Variants in APBB2 observed in about 807,000 individuals in gnomAD.
The protein encoded by APBB2 is amyloid beta precursor protein binding family B member 2.
APBB2 carries 38 observed loss-of-function variants against 82.5 expected under a neutral mutation model. The observed-to-expected ratio is 0.46, with a 90% confidence interval of 0.36 to 0.60. The LOEUF (loss-of-function observed/expected upper bound fraction) is 0.60. Among genes scored for constraint, APBB2 ranks in the 20% least tolerant of loss-of-function variants. The pLI, the probability that APBB2 is intolerant of heterozygous loss-of-function variation, is 0.00. For synonymous variants in APBB2, 341 were observed against 368.2 expected (o/e 0.93, Z 0.85); for missense variants, 772 against 972.3 (o/e 0.79, Z 2.74).
chr4:40,891,836 G>T (rs1772112035), intron 11 of APBB2, among the ~76,000 whole-genome samples: 1 of 151,970 alleles, frequency 6.6e-6, no homozygotes, highest in Non-Finnish European at 1.5e-5. Context: ...ACATATTAGT[G>T]TAAGTCACAA....
chr4:40,891,981 TCA>T (rs1157211702), intron 11 of APBB2, among the ~76,000 whole-genome samples: 1 of 149,336 alleles, frequency 6.7e-6, no homozygotes, highest in East Asian at 2.0e-4. Context: ...AGATAGAGTC[TCA>T]CTTTGTCACC....
At chr4:41,158,836 C>T (rs967519612) in intron 1 of APBB2, among the ~76,000 whole-genome samples, 2 of 152,086 alleles carry the variant, frequency 1.3e-5, no homozygotes, top group African/African-American at 4.8e-5. Context: ...TCAAGGTCAC[C>T]CCACAGCACG....
At chr4:40,926,100 T>C (rs1210148289) in intron 10 of APBB2, among the ~76,000 whole-genome samples, 2 of 152,216 alleles carry the variant, frequency 1.3e-5, no homozygotes, top group African/African-American at 4.8e-5. Flanking sequence ...AACTAGAAGA[T>C]ACTGCATAGA....
At chr4:40,876,537 G>T (rs1398930110) in intron 12 of APBB2, among the ~76,000 whole-genome samples, 3 of 152,116 alleles carry the variant, frequency 2.0e-5, no homozygotes, top group African/African-American at 7.2e-5. Context: ...TACCGTTGTC[G>T]CTTGGTGTCT....
At chr4:41,159,907 A>AAGGAGAAGGAGAAGGAGAAGGAGAAGG (rs1267899128) in intron 1 of APBB2, among the ~76,000 whole-genome samples, 1 of 35,620 alleles carries the variant, frequency 2.8e-5, no homozygotes, top group African/African-American at 1.3e-4. Context: ...GAAGAAGGAG[A>AAGGAGAAGGAGAAGGAGAAGGAGAAGG]AGGAGGAGGA....
intron 12 of APBB2, among the ~76,000 whole-genome samples, chr4:40,871,003 C>G (rs1303951846): frequency 4.6e-5 from 2 of 43,824 alleles, no homozygotes; most frequent in Non-Finnish European, 5.7e-5. Context: ...CGCGCCCAGC[C>G]ATACATATAT....
chr4:40,890,300 T>C (rs1771600768), intron 12 of APBB2, 64 bp downstream of exon 12: 3 of 1,551,790 alleles, frequency 1.9e-6, no homozygotes, highest in African/African-American at 1.4e-5. Context: ...AGCCCATGCT[T>C]TGGTGTTCAG....
rs75690280 is a variant in APBB2, at chr4:41,170,322, T to C, written c.-416-27180A>G. 9.6e-3 allele frequency among the ~76,000 whole-genome samples: 1,462 copies of C among 152,322 alleles called. 33 individuals are homozygous for C. Among genetic ancestry groups the C allele is most frequent in the African/African-American group, 0.034 (1,402 of 41,570 alleles). On this transcript the variant is annotated intron_variant, in intron 1 of 17. Transcript: ENST00000508593. ...TAGCCATGTAATCTCAATTCCCACA[T>C]TTGCATTCATAAGCACCTACGGTGC... is the stretch of plus-strand genomic sequence containing the variant.
intron 1 of APBB2, among the ~76,000 whole-genome samples, chr4:41,201,638 T>C (rs1260197172): frequency 1.3e-5 from 2 of 152,200 alleles, no homozygotes; most frequent in African/African-American, 2.4e-5. Flanking sequence ...TATCCGTCTA[T>C]CCCAGAGTAA....
At chr4:41,191,309 T>C (rs1365653770) in intron 1 of APBB2, among the ~76,000 whole-genome samples, 1 of 152,214 alleles carries the variant, frequency 6.6e-6, no homozygotes, top group Non-Finnish European at 1.5e-5. Context: ...GTGGCTAGGT[T>C]ATGAACAATC....
intron 1 of APBB2, among the ~76,000 whole-genome samples, chr4:41,204,275 G>A (rs1011575171): frequency 6.6e-6 from 1 of 152,240 alleles, no homozygotes; most frequent in Non-Finnish European, 1.5e-5. Flanking sequence ...GAGTTGGGAT[G>A]ATATGCCCAG....
chr4:40,907,377 ATATTTTTTTTT>A (rs1246061403), intron 10 of APBB2, among the ~76,000 whole-genome samples: 10 of 28,282 alleles, frequency 3.5e-4, no homozygotes, highest in African/African-American at 1.9e-3. Context: ...ATATATATAT[ATATTTTTTTTT>A]TTTTTTTTTT....
intron 12 of APBB2, among the ~76,000 whole-genome samples, chr4:40,838,103 T>C (rs978348856): frequency 2.0e-5 from 3 of 151,150 alleles, no homozygotes; most frequent in African/African-American, 4.8e-5. Flanking sequence ...TCCATCTTTA[T>C]GGAATGAATA....
chr4:41,082,922 G>A (rs576225963), intron 3 of APBB2, among the ~76,000 whole-genome samples: 10 of 152,154 alleles, frequency 6.6e-5, no homozygotes, highest in Admixed American at 1.3e-4. Flanking sequence ...TAGCACCTTG[G>A]GAGGCCGAGG....
rs1281126568 is a variant in APBB2 at position 41,127,850 on chromosome 4, C to T, written c.-261+15137G>A. Among the ~76,000 whole-genome samples the T allele has an allele frequency of 4.0e-5, 6 of 151,100 alleles. No homozygotes were observed. Among genetic ancestry groups the T allele is most frequent in the African/African-American group, 1.2e-4 (5 of 41,074 alleles). ...ATCCCAGCACTTTGGGAGGCGGAGGCGGGTGGATTACCTGAGGTCAGGAGT... is the reference window on the plus strand; with the variant it reads ...ATCCCAGCACTTTGGGAGGCGGAGGTGGGTGGATTACCTGAGGTCAGGAGT... On this transcript the variant is annotated intron_variant, in intron 2 of 17. Coordinates refer to ENST00000508593, the MANE Select transcript of APBB2 (RefSeq NM_004307.2). This position sits in a 1 kb window ranked among gnomAD's most constrained non-coding sequence, Gnocchi z 4.8.
At chr4:41,032,778 CTTTTTTTTTTTT>C (rs11421268) in intron 5 of APBB2, among the ~76,000 whole-genome samples, 3 of 84,318 alleles carry the variant, frequency 3.6e-5, no homozygotes, top group South Asian at 5.5e-4. Flanking sequence ...ATTTTTCTTT[CTTTTTTTTTTTT>C]TTTTTTTTTT....
rs550819410 is a variant in APBB2 at position 40,851,294 on chromosome 4, CT to C, written c.1530-20718del. 2.6e-4 allele frequency among the ~76,000 whole-genome samples: 40 copies of C among 152,218 alleles called. No individual in the cohort carries two copies. In the South Asian group the frequency reaches 7.5e-3, roughly 28 times the overall value. The stretch of plus-strand genomic sequence containing the variant: ...TGCAAGTGCTTTAGAACCAAACAAC[CT>C]TTTGCTCAATTTAAATCTTACACGG... On this transcript the variant is annotated intron_variant, in intron 12 of 17. Coordinates refer to ENST00000508593, the MANE Select transcript of APBB2 (RefSeq NM_004307.2).
chr4:40,831,595 C>G (rs1751927648), intron 12 of APBB2, among the ~76,000 whole-genome samples: 1 of 152,082 alleles, frequency 6.6e-6, no homozygotes, highest in Admixed American at 6.5e-5. Context: ...GACAGTGGCG[C>G]AGCGGAAGCA....
At chr4:40,873,802 T>G (rs895957225) in intron 12 of APBB2, among the ~76,000 whole-genome samples, 1 of 152,234 alleles carries the variant, frequency 6.6e-6, no homozygotes. Flanking sequence ...TTTTAGTTGC[T>G]TAGGGATTTT....
Sources: gnomAD v4.1 joint callset for allele counts (sites outside exome capture counted in the v4.1 genomes callset) on GRCh38, gnomAD v4.1.1 for gene constraint, Gnocchi (gnomAD v3.1) non-coding constraint, MANE v1.5 for transcripts, NCBI Gene and HGNC (gene_info 2026-07-23, HGNC 2026-07-21) for gene names.